Variants in LAMP3 observed in about 807,000 individuals in gnomAD.
LAMP3 encodes lysosome-associated membrane glycoprotein 3.
A neutral mutation model predicts 34.8 loss-of-function variants in LAMP3; 26 were observed. The observed-to-expected ratio is 0.75, with a 90% CI of 0.55 to 1.04. LAMP3 has a LOEUF of 1.04. LAMP3 is among the 50% of genes least tolerant of loss of function. LAMP3 has a pLI of 0.00. For missense variants in LAMP3, 495 were observed against 524.0 expected (o/e 0.94, Z 0.54); for synonymous variants, 180 against 201.9 (o/e 0.89, Z 0.92).
At chr3:183,144,106 T>C (rs923967049) in intron 3 of LAMP3, among the ~76,000 whole-genome samples, 1 of 152,208 alleles carries the variant, frequency 6.6e-6, no homozygotes, top group African/African-American at 2.4e-5. Context: ...GTCTTCAGCA[T>C]CAATCATGTC....
chr3:183,153,934 T>G lies in LAMP3; in HGVS notation c.507A>C (p.Pro169=). Residue 169 remains proline, a synonymous_variant, in exon 2 of 6, where the codon CCA becomes CCC. Coordinates refer to ENST00000265598, the MANE Select transcript of LAMP3 (RefSeq NM_014398.4). ...TTQPSNQTTL[P]ATLSIALHKS... Reference sequence around the variant, plus strand: ...TGTGCAGTGCTATCGATAAAGTTGCTGGAAGGGTGGTCTGGTTACTGGGTT... The same window carrying G: ...TGTGCAGTGCTATCGATAAAGTTGCGGGAAGGGTGGTCTGGTTACTGGGTT... 6.2e-7 allele frequency: 1 copy of G among 1,614,192 alleles called. No individual in the cohort carries two copies. Among genetic ancestry groups the G allele is most frequent in the Non-Finnish European group, 8.5e-7 (1 of 1,180,036 alleles).
intron 5 of LAMP3, among the ~76,000 whole-genome samples, chr3:183,130,592 G>A (rs917855878): frequency 3.3e-5 from 5 of 152,122 alleles, no homozygotes; most frequent in Admixed American, 6.5e-5. Flanking sequence ...CTATGATGCC[G>A]TTTGGGTGAA....
chr3:183,132,320 T>C (rs1384759020), intron 5 of LAMP3: 3 of 927,090 alleles, frequency 3.2e-6, no homozygotes, highest in Middle Eastern at 1.1e-3. Context: ...TCATCTATAA[T>C]TTAAGTAAAC....
intron 5 of LAMP3, among the ~76,000 whole-genome samples, chr3:183,129,559 C>G (rs2108595365): frequency 6.6e-6 from 1 of 152,234 alleles, no homozygotes; most frequent in South Asian, 2.1e-4. Context: ...TATTCTGCCT[C>G]TGACTGTTTC....
At chr3:183,149,605 A>ATATATATATATATATATATATATG (rs1318638648) in intron 3 of LAMP3, among the ~76,000 whole-genome samples, 2 of 127,810 alleles carry the variant, frequency 1.6e-5, no homozygotes, top group Non-Finnish European at 3.3e-5. Context: ...ATATATATAT[A>ATATATATATATATATATATATATG]TGTATACACA....
At chr3:183,150,154 T>C (rs2108609161) in intron 3 of LAMP3, among the ~76,000 whole-genome samples, 1 of 152,332 alleles carries the variant, frequency 6.6e-6, no homozygotes, top group East Asian at 1.9e-4. Context: ...GAGGACGACC[T>C]GCTGATGCTT....
intron 3 of LAMP3, among the ~76,000 whole-genome samples, chr3:183,142,982 G>T (rs763669900): frequency 2.0e-5 from 3 of 152,162 alleles, no homozygotes; most frequent in Non-Finnish European, 2.9e-5. Flanking sequence ...CCTTCCGTAA[G>T]CAGGGTGCTC....
intron 5 of LAMP3, 71 bp from the exon 6 acceptor site, chr3:183,124,285 G>A (rs1719733246): frequency 7.6e-7 from 1 of 1,324,076 alleles, no homozygotes; most frequent in Non-Finnish European, 1.0e-6. Context: ...GGCTAGAGGG[G>A]AAAGAAGATG....
At chr3:183,137,367 T>C (rs777432708) in intron 4 of LAMP3, among the ~76,000 whole-genome samples, 4 of 152,202 alleles carry the variant, frequency 2.6e-5, no homozygotes, top group Middle Eastern at 6.8e-3. Flanking sequence ...AATCATACAA[T>C]GAACTCCATT....
intron 1 of LAMP3, among the ~76,000 whole-genome samples, chr3:183,159,228 G>A (rs1720906739): frequency 6.6e-6 from 1 of 152,236 alleles, no homozygotes. Flanking sequence ...GATACTATGA[G>A]AGTGTGGGTA....
Position 183,153,737 on chromosome 3 carries a change from C to A in LAMP3, c.704G>T (p.Arg235Ile). 1 of 1,539,658 alleles carries A rather than the reference C, an allele frequency of 6.5e-7. No homozygotes were observed. The highest frequency in any genetic ancestry group is 1.3e-5 in the South Asian group (1 of 77,236). Residue 235 changes from arginine to isoleucine, a missense_variant, in exon 2 of 6, where the codon AGA becomes ATA. Physicochemically the swap from Arg to Ile is moderately conservative, Grantham distance 97. Coordinates refer to ENST00000265598, the MANE Select transcript of LAMP3 (RefSeq NM_014398.4). ...CCCCATCTCTGCTTTTATACAGAGT[C>A]TGCTTCCGTTTAGAACCTGATAAAT... ...TGIYQVLNGS[R>I]LCIKAEMGIQ...
intron 3 of LAMP3, among the ~76,000 whole-genome samples, chr3:183,142,028 T>G (rs1576878262): frequency 1.3e-5 from 2 of 152,324 alleles, no homozygotes; most frequent in East Asian, 3.9e-4. Context: ...AGGTGCTCAG[T>G]CTCTTGGTTC....
intron 1 of LAMP3, among the ~76,000 whole-genome samples, chr3:183,157,681 G>A (rs1027993183): frequency 1.3e-5 from 2 of 151,958 alleles, no homozygotes; most frequent in African/African-American, 4.8e-5. Context: ...TATGGCTGGT[G>A]TTTATAAGCT....
Position 183,140,520 on chromosome 3 carries a change from C to T in LAMP3, c.946+18G>A, listed in dbSNP as rs543789366. 6.7e-7 allele frequency: 1 copy of T among 1,500,364 alleles called. No homozygotes were observed. Among genetic ancestry groups the T allele is most frequent in the South Asian group, 1.1e-5 (1 of 88,792 alleles). 92.9% of individuals were successfully genotyped at this position (1,500,364 alleles called of 1,614,324 possible). A position where few individuals can be genotyped will look rare whatever the true frequency, so the allele number is the denominator to read the frequency against. Reference sequence around the variant, plus strand: ...ACAGCGTCATGGCTGGTCGAATGGGCATTCTGTAATTACTAACCTGGATCT... The same window carrying T: ...ACAGCGTCATGGCTGGTCGAATGGGTATTCTGTAATTACTAACCTGGATCT... On this transcript the variant is annotated intron_variant, in intron 4 of 5. Transcript: ENST00000265598.
chr3:183,154,034 G>A lies in LAMP3; in HGVS notation c.407C>T (p.Pro136Leu). 6.2e-7 allele frequency: 1 copy of A among 1,614,166 alleles called. No individual in the cohort carries two copies. The highest frequency in any genetic ancestry group is 8.5e-7 in the Non-Finnish European group (1 of 1,180,026). ...TGTATGAGCTGGTGGGGTGATGGTG[G>A]GTGGCAGTGAATAAGGGGCTAAGCT... ...GPSLAPYSLP[P>L]TITPPAHTTG... Residue 136 changes from proline to leucine, a missense_variant, in exon 2 of 6, where the codon CCC (proline) becomes CTC (leucine). Physicochemically the swap from Pro to Leu is moderately conservative, Grantham distance 98. Transcript: ENST00000265598.
chr3:183,152,537 T>C (rs370991681), intron 2 of LAMP3, 34 bp from the exon 3 acceptor site: 2 of 1,574,368 alleles, frequency 1.3e-6, no homozygotes, highest in African/African-American at 2.8e-5. Context: ...CTAAATGAGA[T>C]GTAGAGGAAA....
chr3:183,140,499 C>T (rs522235), intron 4 of LAMP3, 39 bp downstream of exon 4: 803,954 of 1,231,392 alleles, frequency 0.65, 267,921 homozygotes, highest in Non-Finnish European at 0.69. Flanking sequence ...ACAGAAACAG[C>T]GTCATGGCTG....
At chr3:183,136,857 T>C (rs1720112703) in intron 4 of LAMP3, among the ~76,000 whole-genome samples, 1 of 151,838 alleles carries the variant, frequency 6.6e-6, no homozygotes, top group South Asian at 2.1e-4. Context: ...ATTTTAATCA[T>C]TGAGGCCAGG....
At position 183,140,561 on chromosome 3, in the gene LAMP3, G is replaced by T. The variant is rs150542201; in HGVS notation, c.923C>A (p.Ala308Asp). Residue 308 changes from alanine (A) to aspartate (D), a missense_variant, in exon 4 of 6, where the codon GCC becomes GAC. Coordinates refer to ENST00000265598, the MANE Select transcript of LAMP3 (RefSeq NM_014398.4). ...EESYYISEVG[A>D]YLTVSDPETI... is the part of the protein sequence containing the mutation. ...ACCTGGATCTGAGACGGTCAAATAG[G>T]CTCCCACTTCACTGATATAATATGA... is the stretch of plus-strand genomic sequence containing the variant. 24 of 1,605,352 alleles carry T rather than the reference G, an allele frequency of 1.5e-5. No individual in the cohort carries two copies. The highest frequency in any genetic ancestry group is 1.9e-5 in the Non-Finnish European group (22 of 1,172,350).
Sources: gnomAD v4.1 joint callset for allele counts (sites outside exome capture counted in the v4.1 genomes callset) on GRCh38, gnomAD v4.1.1 for gene constraint, MANE v1.5 for transcripts, NCBI Gene and HGNC (gene_info 2026-07-23, HGNC 2026-07-21) for gene names.